GCLC: variants seen among roughly 807,000 people sequenced by gnomAD.
GCLC encodes the protein glutamate-cysteine ligase catalytic subunit, also known as glutamate--cysteine ligase catalytic subunit.
A neutral mutation model predicts 81.5 loss-of-function variants in GCLC; 30 were observed. That is an observed-to-expected ratio of 0.37 (90% CI 0.28 to 0.50). The LOEUF is 0.50. GCLC is among the 20% of genes least tolerant of loss of function. The pLI is 0.96. For missense variants in GCLC, 556 were observed against 777.4 expected (o/e 0.72, Z 3.39); for synonymous variants, 262 against 273.3 (o/e 0.96, Z 0.41).
chr6:53,544,929 C>T lies in GCLC; in HGVS notation c.-284G>A. The T allele has an allele frequency of 3.9e-6, 1 of 254,834 alleles. No individual in the cohort carries two copies. Among genetic ancestry groups the T allele is most frequent in the Non-Finnish European group, 7.4e-6 (1 of 134,930 alleles). 15.8% of individuals were successfully genotyped at this position (254,834 alleles called of 1,614,324 possible). A position where few individuals can be genotyped will look rare whatever the true frequency, so the allele number is the denominator to read the frequency against. On this transcript the variant is annotated 5_prime_UTR_variant, in exon 1 of 16. Transcript: ENST00000650454. ...CTCGGCCCGGCGGCCTCGCCCTCCC[C>T]GCTGCTCCTCCTCCCGCTCCGATGC...
intron 6 of GCLC, chr6:53,510,430 T>C (rs1177731755): frequency 6.6e-6 from 1 of 150,790 alleles, no homozygotes; most frequent in African/African-American, 2.5e-5. Flanking sequence ...CATAAATTCT[T>C]TGTTACCCAA....
At position 53,517,722 on chromosome 6, in the gene GCLC, C is replaced by G. The variant is rs555841901; in HGVS notation, c.447-1500G>C. On this transcript the variant is annotated intron_variant, in intron 3 of 15. Coordinates refer to ENST00000650454, the MANE Select transcript of GCLC (RefSeq NM_001498.4). The stretch of plus-strand genomic sequence containing the variant: ...CAGAACTTGCATCTTCGGACACCTA[C>G]GGCACTGCTTCATTCTAGAGCAGTG... Among the ~76,000 whole-genome samples, 3 of 152,088 alleles carry G rather than the reference C, an allele frequency of 2.0e-5. No homozygotes were observed. In the South Asian group the frequency reaches 6.2e-4, roughly 32 times the overall value.
intron 6 of GCLC, 163 bp from the exon 7 acceptor site, chr6:53,509,413 G>T: frequency 3.0e-6 from 2 of 663,722 alleles, no homozygotes; most frequent in Non-Finnish European, 5.5e-6. Context: ...TGTCTTAGGT[G>T]AATTTAACTA....
chr6:53,507,946 T>C (rs941567566), intron 8 of GCLC, among the ~76,000 whole-genome samples: 3 of 152,186 alleles, frequency 2.0e-5, no homozygotes, highest in Admixed American at 6.5e-5. Flanking sequence ...ATAATTATCC[T>C]TTAAAGTTTA....
Position 53,544,768 on chromosome 6 carries a change from G to A in GCLC, c.-123C>T. 3 of 980,682 alleles carry A rather than the reference G, an allele frequency of 3.1e-6. No individual in the cohort carries two copies. The highest frequency in any genetic ancestry group is 3.6e-5 in the South Asian group (2 of 56,252). The allele number at this position is 980,682 out of a possible 1,614,324, so 60.7% of individuals were successfully genotyped here. ...CGCTCCACCCCGCGGGGGCGCTCTC[G>A]GGCCGCAGTCGGCGGAGGGAGGGTC... On this transcript the variant is annotated 5_prime_UTR_variant, in exon 1 of 16. Transcript: ENST00000650454.
At chr6:53,515,501 G>A (rs1764851574) in intron 4 of GCLC, among the ~76,000 whole-genome samples, 1 of 152,268 alleles carries the variant, frequency 6.6e-6, no homozygotes, top group Non-Finnish European at 1.5e-5. Flanking sequence ...TTAAAGGAAT[G>A]AACGCTGAGA....
At chr6:53,500,795 G>A in intron 12 of GCLC, 1 of 472,724 alleles carries the variant, frequency 2.1e-6, no homozygotes, top group Admixed American at 3.4e-5. Flanking sequence ...AAGCACCTCT[G>A]TGACTGAGCC....
At chr6:53,519,371 C>T (rs972211193) in intron 3 of GCLC, among the ~76,000 whole-genome samples, 6 of 151,974 alleles carry the variant, frequency 3.9e-5, no homozygotes, top group South Asian at 2.1e-4. Context: ...GACTGTCCTC[C>T]GCTCCTCATT....
intron 1 of GCLC, among the ~76,000 whole-genome samples, chr6:53,526,568 G>A (rs993519474): frequency 3.9e-5 from 6 of 152,096 alleles, no homozygotes; most frequent in Admixed American, 1.3e-4. Context: ...GGAGGCCGAG[G>A]CGGGCGGATC....
chr6:53,542,727 A>AT (rs1763379584), intron 1 of GCLC, among the ~76,000 whole-genome samples: 1 of 152,240 alleles, frequency 6.6e-6, no homozygotes, highest in East Asian at 1.9e-4. Context: ...TGTCAAAAGC[A>AT]GCACAGGGCC....
intron 15 of GCLC, 110 bp from the exon 16 acceptor site, chr6:53,499,077 G>T: frequency 1.3e-6 from 1 of 748,660 alleles, no homozygotes; most frequent in Non-Finnish European, 2.4e-6. Flanking sequence ...AAATCAATAT[G>T]TCCTTTTAGT....
At chr6:53,513,373 G>A (rs936714969) in intron 6 of GCLC, 2 of 152,174 alleles carry the variant, frequency 1.3e-5, no homozygotes, top group African/African-American at 4.8e-5. Flanking sequence ...AATTTCCTTG[G>A]ACATTAAATA....
In GCLC at chr6:53,506,650, G is replaced by A; in HGVS notation, c.1197+263C>T. The A allele has an allele frequency of 2.3e-6, 1 of 426,498 alleles. No individual in the cohort carries two copies. The highest frequency in any genetic ancestry group is 4.3e-6 in the Non-Finnish European group (1 of 235,190). 26.4% of individuals were successfully genotyped at this position (426,498 alleles called of 1,614,324 possible). A position where few individuals can be genotyped will look rare whatever the true frequency, so the allele number is the denominator to read the frequency against. On this transcript the variant is annotated intron_variant, in intron 10 of 15. Transcript: ENST00000650454. This position sits in a 1 kb window ranked among gnomAD's most constrained non-coding sequence, Gnocchi z 4.0. ...ACCACTAGGCAAATAAGAAAATACTGAACAATAAAAAAAAAAATTAGAATC... is the reference window on the plus strand; with the variant it reads ...ACCACTAGGCAAATAAGAAAATACTAAACAATAAAAAAAAAAATTAGAATC...
intron 1 of GCLC, among the ~76,000 whole-genome samples, chr6:53,542,427 A>C (rs954020383): frequency 1.3e-4 from 20 of 152,182 alleles, no homozygotes; most frequent in African/African-American, 4.3e-4. Context: ...TCCCACTTCA[A>C]TTTACCCAAC....
At chr6:53,521,666 T>A (rs1388568574) in intron 2 of GCLC, among the ~76,000 whole-genome samples, 1 of 152,030 alleles carries the variant, frequency 6.6e-6, no homozygotes, top group East Asian at 1.9e-4. Flanking sequence ...TCTACTTAAA[T>A]GTAGGAATAC....
At chr6:53,536,616 T>G in intron 1 of GCLC, among the ~76,000 whole-genome samples, 1 of 152,224 alleles carries the variant, frequency 6.6e-6, no homozygotes, top group East Asian at 1.9e-4. Context: ...TAAGAATATA[T>G]TCAGATGCCT....
At chr6:53,502,740 T>TAGTCTGA (rs1216845930) in intron 12 of GCLC, among the ~76,000 whole-genome samples, 1 of 152,212 alleles carries the variant, frequency 6.6e-6, no homozygotes, top group Non-Finnish European at 1.5e-5. Context: ...TTCAGCTGTT[T>TAGTCTGA]AATAGGATAG....
chr6:53,539,146 A>G (rs182278179), intron 1 of GCLC, among the ~76,000 whole-genome samples: 1 of 152,320 alleles, frequency 6.6e-6, no homozygotes, highest in Admixed American at 6.5e-5. Context: ...TACAAACAAA[A>G]CCCATATCTG....
intron 12 of GCLC, among the ~76,000 whole-genome samples, chr6:53,503,904 T>C (rs930779109): frequency 6.6e-6 from 1 of 152,256 alleles, no homozygotes; most frequent in Non-Finnish European, 1.5e-5. Flanking sequence ...AATCACTACC[T>C]TGGATATTCA....
Sources: allele counts gnomAD v4.1 joint callset (sites outside exome capture counted in the v4.1 genomes callset), GRCh38; gene constraint gnomAD v4.1.1; non-coding constraint Gnocchi (gnomAD v3.1); transcripts MANE v1.5; gene names NCBI Gene and HGNC (gene_info 2026-07-23, HGNC 2026-07-21).